The following ADARB2 variants were observed in gnomAD, a reference collection of about 807,000 sequenced individuals.
The protein encoded by ADARB2 is adenosine deaminase RNA specific B2 (inactive).
Under a neutral mutation model 62.2 loss-of-function variants are expected in ADARB2, and 25 were observed. The ratio of observed to expected loss-of-function variants is 0.40; its 90% CI spans 0.29 to 0.56. The LOEUF (loss-of-function observed/expected upper bound fraction) is 0.56. Among genes scored for constraint, ADARB2 ranks in the 20% least tolerant of loss-of-function variants. The pLI, the probability that ADARB2 is intolerant of heterozygous loss-of-function variation, is 0.43. For missense variants in ADARB2, 1,071 were observed against 1,077.4 expected (o/e 0.99, Z 0.08); for synonymous variants, 572 against 500.8 (o/e 1.14, Z -1.90).
chr10:1,444,916 A>G (rs1176523114), intron 1 of ADARB2, among the ~76,000 whole-genome samples: 3 of 141,204 alleles, frequency 2.1e-5, no homozygotes, highest in Non-Finnish European at 4.6e-5. Flanking sequence ...CCATCCGTCT[A>G]CATTCTCCTT....
chr10:1,510,016 CTTTCT>C (rs1460705407), intron 1 of ADARB2, among the ~76,000 whole-genome samples: 2 of 149,834 alleles, frequency 1.3e-5, no homozygotes, highest in African/African-American at 4.9e-5. Flanking sequence ...TTTCTTTCTT[CTTTCT>C]TTTTTCTCTT....
At chr10:1,558,201 C>A (rs1374260352) in intron 1 of ADARB2, among the ~76,000 whole-genome samples, 2 of 152,074 alleles carry the variant, frequency 1.3e-5, no homozygotes, top group Non-Finnish European at 2.9e-5. Flanking sequence ...CCGCGTGCCC[C>A]ATCTAAATCT....
At chr10:1,720,295 G>A (rs1835073924) in intron 1 of ADARB2, among the ~76,000 whole-genome samples, 1 of 152,198 alleles carries the variant, frequency 6.6e-6, no homozygotes. Flanking sequence ...AATACCACAT[G>A]TTCTCACTTA....
At chr10:1,257,529 C>A (rs1372285922) in intron 4 of ADARB2, among the ~76,000 whole-genome samples, 1 of 152,174 alleles carries the variant, frequency 6.6e-6, no homozygotes, top group Non-Finnish European at 1.5e-5. Flanking sequence ...CACACCTCTT[C>A]CTGTCATCAG....
At chr10:1,531,067 A>G (rs1487395860) in intron 1 of ADARB2, among the ~76,000 whole-genome samples, 1 of 152,216 alleles carries the variant, frequency 6.6e-6, no homozygotes, top group African/African-American at 2.4e-5. Flanking sequence ...CTTTTGGACA[A>G]GCCCTGCGCC....
chr10:1,525,208 G>C (rs568303561), intron 1 of ADARB2, among the ~76,000 whole-genome samples: 116 of 152,224 alleles, frequency 7.6e-4, no homozygotes, highest in African/African-American at 2.8e-3. Context: ...GTTTGGGGGA[G>C]GAGGAATTTC....
chr10:1,242,089 C>T (rs749382256), intron 5 of ADARB2, 42 bp downstream of exon 5: 19 of 1,543,846 alleles, frequency 1.2e-5, no homozygotes, highest in Admixed American at 5.6e-5. Flanking sequence ...AGCCCCCAGC[C>T]GCGGCGTCCG....
chr10:1,589,423 C>A (rs1320047853), intron 1 of ADARB2, among the ~76,000 whole-genome samples: 1 of 151,356 alleles, frequency 6.6e-6, no homozygotes, highest in Non-Finnish European at 1.5e-5. Context: ...GCGGTCAGGG[C>A]ATCCATGGTC....
At chr10:1,373,311 G>GAC (rs748027216) in intron 2 of ADARB2, among the ~76,000 whole-genome samples, 16 of 150,540 alleles carry the variant, frequency 1.1e-4, no homozygotes, top group Non-Finnish European at 2.1e-4. Flanking sequence ...TTCTGTCTCT[G>GAC]ACACACACAC....
chr10:1,363,050 G>A lies in ADARB2; in HGVS notation c.1055C>T (p.Ala352Val). The A allele has an allele frequency of 4.9e-6, 7 of 1,428,910 alleles. No individual in the cohort carries two copies. Among genetic ancestry groups the A allele is most frequent in the Non-Finnish European group, 5.5e-6 (6 of 1,091,604 alleles). The allele number at this position is 1,428,910 out of a possible 1,614,324, so 88.5% of individuals were successfully genotyped here. The change falls in exon 3 of 10, where the codon GCC becomes GTC. Residue 352 changes from alanine to valine, a missense_variant. Transcript: ENST00000381312. ...IQMPGHAPGR[A>V]RRTPMPQEFA... ...CACCTGCGGCATTGGCGTCCTCCTG[G>A]CCCTGCCGGGCGCGTGGCCGGGCAT...
intron 4 of ADARB2, among the ~76,000 whole-genome samples, chr10:1,257,457 C>T (rs1831090025): frequency 1.3e-5 from 2 of 152,220 alleles, no homozygotes; most frequent in South Asian, 4.1e-4. Context: ...CCTTCCTCTT[C>T]AGGGTCAGCA....
intron 1 of ADARB2, chr10:1,675,247 A>G (rs1172205258): frequency 3.1e-6 from 3 of 957,244 alleles, no homozygotes; most frequent in South Asian, 5.0e-5. Context: ...GTTTGGGTTC[A>G]GGGATGCATG....
intron 4 of ADARB2, among the ~76,000 whole-genome samples, chr10:1,245,328 G>GT (rs1001459877): frequency 5.3e-5 from 8 of 152,156 alleles, no homozygotes; most frequent in Non-Finnish European, 1.2e-4. Context: ...CTTATTTTTT[G>GT]TTTTTTCTTT....
intron 1 of ADARB2, among the ~76,000 whole-genome samples, chr10:1,455,525 T>C (rs985349372): frequency 6.6e-6 from 1 of 152,220 alleles, no homozygotes; most frequent in Non-Finnish European, 1.5e-5. Flanking sequence ...TGTGTCTTTA[T>C]GGAAAGTTAA....
Position 1,479,781 on chromosome 10 carries a change from A to T in ADARB2, c.101-100621T>A, listed in dbSNP as rs534311718. Among the ~76,000 whole-genome samples, 6 of 152,330 alleles carry T rather than the reference A, an allele frequency of 3.9e-5. No individual in the cohort carries two copies. The East Asian group carries it at 9.6e-4, about 24-fold the overall frequency. On this transcript the variant is annotated intron_variant, in intron 1 of 9. Transcript: ENST00000381312. Reference sequence around the variant, plus strand: ...TGATCAAAGCTGAGAACAATGATTTACAGGGAAGTGTATTTGAAGGACACA... The same window carrying T: ...TGATCAAAGCTGAGAACAATGATTTTCAGGGAAGTGTATTTGAAGGACACA...
intron 1 of ADARB2, among the ~76,000 whole-genome samples, chr10:1,728,357 A>T (rs1588368952): frequency 6.6e-6 from 1 of 152,214 alleles, no homozygotes; most frequent in African/African-American, 2.4e-5. Context: ...TTGTGCTCTC[A>T]GAGGTTTAGT....
chr10:1,457,991 A>T (rs1831118347), intron 1 of ADARB2, among the ~76,000 whole-genome samples: 1 of 81,932 alleles, frequency 1.2e-5, no homozygotes, highest in African/African-American at 3.5e-5. Context: ...CTCATTGCTT[A>T]CCCTCCCTCC....
chr10:1,267,592 C>A (rs1319326937), intron 4 of ADARB2, among the ~76,000 whole-genome samples: 2 of 152,162 alleles, frequency 1.3e-5, no homozygotes, highest in African/African-American at 4.8e-5. Flanking sequence ...ATGGTAAAGG[C>A]ACAATCTTCC....
chr10:1,441,460 A>C (rs1830906127), intron 1 of ADARB2, among the ~76,000 whole-genome samples: 1 of 152,232 alleles, frequency 6.6e-6, no homozygotes, highest in South Asian at 2.1e-4. Flanking sequence ...CATTGTTTAC[A>C]TATGATTATT....
Sources: gnomAD v4.1 joint callset for allele counts (sites outside exome capture counted in the v4.1 genomes callset) on GRCh38, gnomAD v4.1.1 for gene constraint, MANE v1.5 for transcripts, NCBI Gene and HGNC (gene_info 2026-07-23, HGNC 2026-07-21) for gene names.